The following ZDHHC11B variants were observed in gnomAD, a reference collection of about 807,000 sequenced individuals.
ZDHHC11B encodes probable palmitoyltransferase ZDHHC11B.
Under a neutral mutation model 42.3 loss-of-function variants are expected in ZDHHC11B, and 17 were observed. That is an observed-to-expected ratio of 0.40 (90% CI 0.27 to 0.60). The LOEUF is 0.60. Among genes scored for constraint, ZDHHC11B ranks in the 20% least tolerant of loss-of-function variants. ZDHHC11B has a pLI of 0.41. For missense variants in ZDHHC11B, 262 were observed against 463.2 expected, an observed-to-expected ratio of 0.57 and a Z score of 3.99; for synonymous variants, 123 against 193.5, an observed-to-expected ratio of 0.64 and a Z score of 3.02.
chr5:774,092 G>T (rs1361459534), intron 1 of ZDHHC11B, among the ~76,000 whole-genome samples: 1 of 152,014 alleles, frequency 6.6e-6, no homozygotes, highest in African/African-American at 2.4e-5. Context: ...CCACCTAGGC[G>T]GGGCTTCGTC....
At chr5:742,852 AT>A (rs1184792560) in intron 9 of ZDHHC11B, among the ~76,000 whole-genome samples, 2 of 148,794 alleles carry the variant, frequency 1.3e-5, no homozygotes, top group Non-Finnish European at 3.0e-5. Context: ...CCAAACTATG[AT>A]TTTTTTCTTT....
intron 1 of ZDHHC11B, among the ~76,000 whole-genome samples, chr5:774,720 GCCC>G (rs1248262122): frequency 1.9e-5 from 1 of 51,334 alleles, no homozygotes; most frequent in Admixed American, 2.1e-4. Context: ...CCAGGGGTCT[GCCC>G]CTTGGGCCTG....
intron 7 of ZDHHC11B, among the ~76,000 whole-genome samples, chr5:750,915 G>A (rs1301868935): frequency 8.3e-6 from 1 of 120,144 alleles, no homozygotes; most frequent in African/African-American, 2.6e-5. Flanking sequence ...GAGCAGCGTG[G>A]CCAGCGCCCT....
chr5:716,686 A>G, intron 13 of ZDHHC11B, 115 bp downstream of exon 13: 1 of 1,339,602 alleles, frequency 7.5e-7, no homozygotes. Flanking sequence ...GAGACAAACG[A>G]CAAGCAGCCC....
At chr5:733,501 G>A (rs1333706507) in intron 11 of ZDHHC11B, among the ~76,000 whole-genome samples, 2 of 151,672 alleles carry the variant, frequency 1.3e-5, no homozygotes, top group African/African-American at 4.9e-5. Context: ...GCTTCTTGGT[G>A]GTGCTCCAGT....
intron 4 of ZDHHC11B, among the ~76,000 whole-genome samples, chr5:759,109 G>A (rs1734235818): frequency 6.6e-6 from 1 of 151,866 alleles, no homozygotes; most frequent in South Asian, 2.1e-4. Context: ...AGTAGAGTAA[G>A]TGTCTCCCTT....
intron 13 of ZDHHC11B, among the ~76,000 whole-genome samples, chr5:716,147 A>G (rs1187413217): frequency 6.6e-6 from 1 of 150,754 alleles, no homozygotes. Context: ...TTAAGGTACA[A>G]TCATGTCTCA....
intron 1 of ZDHHC11B, among the ~76,000 whole-genome samples, chr5:775,829 G>C (rs1186351890): frequency 6.6e-6 from 1 of 151,448 alleles, no homozygotes; most frequent in Non-Finnish European, 1.5e-5. Context: ...GAGCTGTGAA[G>C]GACACGCTGT....
At chr5:775,426 G>C (rs763176460) in intron 1 of ZDHHC11B, among the ~76,000 whole-genome samples, 15 of 152,000 alleles carry the variant, frequency 9.9e-5, no homozygotes, top group Admixed American at 2.0e-4. Context: ...TGTCTCTGCG[G>C]AGAAAGACTC....
intron 6 of ZDHHC11B, among the ~76,000 whole-genome samples, chr5:753,725 C>T (rs888293549): frequency 1.4e-4 from 21 of 148,558 alleles, no homozygotes; most frequent in South Asian, 6.9e-4. Flanking sequence ...ACTCGCTGTG[C>T]GGTCATGCAA....
intron 12 of ZDHHC11B, among the ~76,000 whole-genome samples, chr5:725,467 T>C (rs1019774): frequency 0.26 from 32,500 of 123,178 alleles, 1,621 homozygotes; most frequent in African/African-American, 0.44. Context: ...CTAGGAATGC[T>C]TACAATTAGT....
At chr5:777,662 T>C (rs1333754653) in intron 1 of ZDHHC11B, among the ~76,000 whole-genome samples, 1 of 151,936 alleles carries the variant, frequency 6.6e-6, no homozygotes, top group African/African-American at 2.4e-5. Context: ...AGAGCGTTGA[T>C]TGGTCCATTT....
At chr5:765,631 T>C (rs404371) in intron 4 of ZDHHC11B, among the ~76,000 whole-genome samples, 113,485 of 151,030 alleles carry the variant, frequency 0.75, 40,909 homozygotes, top group East Asian at 0.83. Context: ...TGTGGAAGTT[T>C]TGTTCTTTTG....
intron 11 of ZDHHC11B, chr5:732,085 G>C (rs1474312950): frequency 6.6e-6 from 1 of 152,600 alleles, no homozygotes; most frequent in African/African-American, 2.4e-5. Context: ...TGCAGCCCTG[G>C]GCCCACTCGA....
intron 1 of ZDHHC11B, among the ~76,000 whole-genome samples, chr5:777,212 C>T (rs978744442): frequency 6.6e-6 from 1 of 151,842 alleles, no homozygotes; most frequent in Non-Finnish European, 1.5e-5. Flanking sequence ...GGAGTGAAGC[C>T]GCGGACTCTC....
Position 748,579 on chromosome 5 carries a change from A to C in ZDHHC11B, c.629-20T>G, listed in dbSNP as rs141400156. On this transcript the variant is annotated intron_variant, in intron 7 of 13. Coordinates refer to ENST00000508859, the MANE Select transcript of ZDHHC11B (RefSeq NM_001351303.2). ...TGACATCTGGGGAGACAAGGGAGAG[A>C]CACTGTGTCCAGCACCTGCTGACGG... 827 of 1,356,214 alleles carry C rather than the reference A, an allele frequency of 6.1e-4. 184 individuals are homozygous for C. In the East Asian group the frequency reaches 6.4e-3, roughly 11 times the overall value. 84.0% of individuals were successfully genotyped at this position (1,356,214 alleles called of 1,614,324 possible).
intron 12 of ZDHHC11B, among the ~76,000 whole-genome samples, chr5:728,636 CCTATA>C (rs1742770783): frequency 6.6e-6 from 1 of 151,990 alleles, no homozygotes; most frequent in African/African-American, 2.4e-5. Context: ...ATATTTTTAA[CCTATA>C]CTATCATCTT....
chr5:732,086 G>A (rs72707076), intron 11 of ZDHHC11B: 4,886 of 152,252 alleles, frequency 0.032, 137 homozygotes, highest in Non-Finnish European at 0.048. Context: ...GCAGCCCTGG[G>A]CCCACTCGAA....
Position 730,299 on chromosome 5 carries a change from G to A in ZDHHC11B, c.1058+135C>T, listed in dbSNP as rs569298706. Reference sequence around the variant, plus strand: ...CCACATGAATGGCTATAAATGTTCAGTGAAGCATTTCTACTTTCCCTTATG... The same window carrying A: ...CCACATGAATGGCTATAAATGTTCAATGAAGCATTTCTACTTTCCCTTATG... On this transcript the variant is annotated intron_variant, in intron 12 of 13. Coordinates refer to ENST00000508859, the MANE Select transcript of ZDHHC11B (RefSeq NM_001351303.2). 1.2e-3 allele frequency: 1,335 copies of A among 1,130,094 alleles called. 2 individuals carry two copies. Among genetic ancestry groups the A allele is most frequent in the Non-Finnish European group, 1.5e-3 (1,213 of 820,374 alleles). 70.0% of individuals were successfully genotyped at this position (1,130,094 alleles called of 1,614,324 possible).
Sources: gnomAD v4.1 joint callset for allele counts (sites outside exome capture counted in the v4.1 genomes callset) on GRCh38, gnomAD v4.1.1 for gene constraint, MANE v1.5 for transcripts, NCBI Gene and HGNC (gene_info 2026-07-23, HGNC 2026-07-21) for gene names.